SH3PXD2A: variants seen among roughly 807,000 people sequenced by gnomAD.
The protein encoded by SH3PXD2A is SH3 and PX domains 2A, also known as SH3 and PX domain-containing protein 2A.
Under a neutral mutation model 115.2 loss-of-function variants are expected in SH3PXD2A, and 32 were observed. The observed-to-expected ratio is 0.28, with a 90% confidence interval of 0.21 to 0.37. The LOEUF (loss-of-function observed/expected upper bound fraction) is 0.37. Among genes scored for constraint, SH3PXD2A ranks in the 10% least tolerant of loss-of-function variants. SH3PXD2A has a pLI of 1.00. For synonymous variants in SH3PXD2A, 610 were observed against 629.1 expected, an observed-to-expected ratio of 0.97 and a Z score of 0.45; for missense variants, 1,328 against 1,498.7, an observed-to-expected ratio of 0.89 and a Z score of 1.88.
chr10:103,694,294 A>C (rs2037799207), intron 5 of SH3PXD2A, among the ~76,000 whole-genome samples: 1 of 141,590 alleles, frequency 7.1e-6, no homozygotes, highest in African/African-American at 2.6e-5. Context: ...GTTTGGGGGG[A>C]TGCGGTGGAA....
At chr10:103,852,442 T>C (rs1842905318) in intron 1 of SH3PXD2A, among the ~76,000 whole-genome samples, 1 of 152,262 alleles carries the variant, frequency 6.6e-6, no homozygotes, top group Admixed American at 6.5e-5. Flanking sequence ...CGGCTAGCTC[T>C]GGCTAACACG....
At chr10:103,722,303 CAA>C (rs34835878) in intron 5 of SH3PXD2A, among the ~76,000 whole-genome samples, 18 of 91,262 alleles carry the variant, frequency 2.0e-4, no homozygotes, top group Non-Finnish European at 2.1e-4. Context: ...GACTCTGTCT[CAA>C]AAAAAAAAAA....
At chr10:103,765,247 C>A (rs1352502103) in intron 3 of SH3PXD2A, among the ~76,000 whole-genome samples, 14 of 152,188 alleles carry the variant, frequency 9.2e-5, no homozygotes, top group African/African-American at 3.4e-4. Flanking sequence ...CTTTGCCCTG[C>A]GTTCCACCCT....
At chr10:103,783,755 C>T in intron 2 of SH3PXD2A, among the ~76,000 whole-genome samples, 1 of 152,258 alleles carries the variant, frequency 6.6e-6, no homozygotes, top group East Asian at 1.9e-4. Context: ...CCCAGTGTTC[C>T]TTCACAGTGG....
At chr10:103,626,036 G>A (rs988200498) in intron 9 of SH3PXD2A, among the ~76,000 whole-genome samples, 1 of 152,268 alleles carries the variant, frequency 6.6e-6, no homozygotes, top group Non-Finnish European at 1.5e-5. Context: ...TGCAGGCTCA[G>A]CCCCAGGGCT....
chr10:103,640,182 G>A (rs2036933168), intron 8 of SH3PXD2A, among the ~76,000 whole-genome samples: 1 of 152,134 alleles, frequency 6.6e-6, no homozygotes, highest in African/African-American at 2.4e-5. Context: ...AGGTGTAGTG[G>A]CACATGCCTG....
chr10:103,714,804 C>T (rs555288030), intron 5 of SH3PXD2A, among the ~76,000 whole-genome samples: 1 of 152,348 alleles, frequency 6.6e-6, no homozygotes, highest in East Asian at 1.9e-4. Flanking sequence ...CGTCCCTGGC[C>T]AGATGGGTGG....
chr10:103,771,610 G>T (rs1035219964), intron 2 of SH3PXD2A, among the ~76,000 whole-genome samples: 1 of 152,060 alleles, frequency 6.6e-6, no homozygotes, highest in Non-Finnish European at 1.5e-5. Context: ...AGGTGGGCAT[G>T]GTGGTGCACA....
At chr10:103,633,786 G>T (rs1302315835) in intron 8 of SH3PXD2A, among the ~76,000 whole-genome samples, 5 of 149,584 alleles carry the variant, frequency 3.3e-5, no homozygotes, top group Non-Finnish European at 7.4e-5. Context: ...CGGCACAGCG[G>T]GAGAATAGGA....
chr10:103,784,663 TA>T lies in SH3PXD2A; in HGVS notation c.153+16618del, dbSNP rs1336019626. 6.7e-6 allele frequency among the ~76,000 whole-genome samples: 1 copy of T among 150,312 alleles called. No homozygotes were observed. The highest frequency in any genetic ancestry group is 1.5e-5 in the Non-Finnish European group (1 of 67,748). ...TGGCTGGAGGGCAGGACAGTCCCAG[TA>T]AAAACTCGGGGGGTGCAGTGAGGAG... On this transcript the variant is annotated intron_variant, in intron 2 of 14. Coordinates refer to ENST00000369774, the MANE Select transcript of SH3PXD2A (RefSeq NM_001394015.1). The surrounding 1 kb of genome is among the most constrained non-coding windows in gnomAD (Gnocchi z 4.4).
chr10:103,810,952 G>GCGCA (rs549107444), intron 1 of SH3PXD2A, among the ~76,000 whole-genome samples: 19 of 19,956 alleles, frequency 9.5e-4, no homozygotes, highest in East Asian at 6.5e-3. Flanking sequence ...GCGCGCGCGC[G>GCGCA]CACACACACA....
intron 2 of SH3PXD2A, among the ~76,000 whole-genome samples, chr10:103,796,277 C>G (rs941162290): frequency 2.6e-5 from 4 of 151,770 alleles, no homozygotes; most frequent in Admixed American, 1.3e-4. Context: ...GCTGGAAGAT[C>G]TCTTGAACCT....
intron 1 of SH3PXD2A, among the ~76,000 whole-genome samples, chr10:103,803,552 G>A (rs2039167551): frequency 6.6e-6 from 1 of 152,160 alleles, no homozygotes; most frequent in Admixed American, 6.5e-5. Flanking sequence ...GAGGCTCAGA[G>A]AAGCTAAGTA....
chr10:103,604,774 A>G (rs541664410), intron 14 of SH3PXD2A, among the ~76,000 whole-genome samples: 1 of 152,324 alleles, frequency 6.6e-6, no homozygotes, highest in Non-Finnish European at 1.5e-5. Context: ...CTGTACCTAC[A>G]GTTCAAGCAC....
rs1350854745 is a variant in SH3PXD2A at position 103,597,991 on chromosome 10, G to C, written c.*3825C>G. On this transcript the variant is annotated 3_prime_UTR_variant, in exon 15 of 15. Transcript: ENST00000369774. ...CACTAGTAATAGGAAAATAATGCCT[G>C]ACTGGAATTCCCTTGTCTTTTTTCC... 6.6e-6 allele frequency: 1 copy of C among 152,518 alleles called. No individual in the cohort carries two copies. The highest frequency in any genetic ancestry group is 1.9e-4 in the East Asian group (1 of 5,204). 9.4% of individuals were successfully genotyped at this position (152,518 alleles called of 1,614,324 possible).
At chr10:103,702,388 G>C (rs2037925224) in intron 5 of SH3PXD2A, among the ~76,000 whole-genome samples, 1 of 152,230 alleles carries the variant, frequency 6.6e-6, no homozygotes, top group Non-Finnish European at 1.5e-5. Flanking sequence ...CTTGGTCAAA[G>C]GAAACACTGT....
intron 4 of SH3PXD2A, among the ~76,000 whole-genome samples, chr10:103,731,173 T>G (rs568937561): frequency 9.9e-5 from 15 of 151,640 alleles, no homozygotes; most frequent in African/African-American, 2.9e-4. Flanking sequence ...TTGTTTTTTT[T>G]TTTTTGAAAC....
intron 6 of SH3PXD2A, among the ~76,000 whole-genome samples, chr10:103,690,027 A>G (rs1251808333): frequency 2.0e-5 from 3 of 152,114 alleles, no homozygotes; most frequent in Non-Finnish European, 4.4e-5. Flanking sequence ...TTCATTATAG[A>G]GCAGAACAGA....
intron 3 of SH3PXD2A, among the ~76,000 whole-genome samples, chr10:103,739,970 C>T (rs1356648846): frequency 6.6e-6 from 1 of 152,180 alleles, no homozygotes; most frequent in Non-Finnish European, 1.5e-5. Flanking sequence ...GTCCCTTCTC[C>T]ACTGGGACTG....
Sources: gnomAD v4.1 joint callset for allele counts (sites outside exome capture counted in the v4.1 genomes callset) on GRCh38, gnomAD v4.1.1 for gene constraint, Gnocchi (gnomAD v3.1) non-coding constraint, MANE v1.5 for transcripts, NCBI Gene and HGNC (gene_info 2026-07-23, HGNC 2026-07-21) for gene names.